XXYLT1: variants seen among roughly 807,000 people sequenced by gnomAD.
XXYLT1 encodes UDP-xylose:alpha-xyloside alpha-1,3-xylosyltransferase.
XXYLT1 carries 20 observed loss-of-function variants against 28.9 expected under a neutral mutation model. The observed-to-expected ratio is 0.69, with a 90% CI of 0.49 to 1.00. XXYLT1 has a LOEUF of 1.00. XXYLT1 is among the 50% of genes least tolerant of loss of function. The pLI, the probability that XXYLT1 is intolerant of heterozygous loss-of-function variation, is 0.00. For missense variants in XXYLT1, 542 were observed against 560.1 expected (o/e 0.97, Z 0.33); for synonymous variants, 257 against 253.8 (o/e 1.01, Z -0.12).
chr3:195,226,012 A>G (rs773292460), intron 2 of XXYLT1, among the ~76,000 whole-genome samples: 3 of 152,204 alleles, frequency 2.0e-5, no homozygotes, highest in Non-Finnish European at 2.9e-5. Flanking sequence ...ACAGCGTGAG[A>G]ACAGATTAAT....
intron 2 of XXYLT1, among the ~76,000 whole-genome samples, chr3:195,181,388 G>C (rs1443478813): frequency 1.3e-5 from 2 of 152,158 alleles, no homozygotes; most frequent in Non-Finnish European, 2.9e-5. Context: ...TTTACCCCCT[G>C]GCCCTGAGTG....
intron 3 of XXYLT1, among the ~76,000 whole-genome samples, chr3:195,082,861 C>T (rs560368489): frequency 6.6e-6 from 1 of 152,194 alleles, no homozygotes; most frequent in African/African-American, 2.4e-5. Flanking sequence ...CTCTCCCAAA[C>T]TTGCCCTCAG....
chr3:195,069,585 T>C lies in XXYLT1; in HGVS notation c.*130A>G, dbSNP rs1714675794. On this transcript the variant is annotated 3_prime_UTR_variant, in exon 4 of 4. Coordinates refer to ENST00000310380, the MANE Select transcript of XXYLT1 (RefSeq NM_152531.5). ...ACAGTGACCTGCCCGGCAGGAGGTC[T>C]CAGCACCTTAATCACAGGACTTCCC... 3.7e-6 allele frequency: 5 copies of C among 1,368,546 alleles called. No homozygotes were observed. The highest frequency in any genetic ancestry group is 4.9e-6 in the Non-Finnish European group (5 of 1,015,102). 84.8% of individuals were successfully genotyped at this position (1,368,546 alleles called of 1,614,324 possible). A position where few individuals can be genotyped will look rare whatever the true frequency, so the allele number is the denominator to read the frequency against.
intron 2 of XXYLT1, among the ~76,000 whole-genome samples, chr3:195,160,241 A>T (rs1314236210): frequency 6.6e-6 from 1 of 152,236 alleles, no homozygotes; most frequent in Non-Finnish European, 1.5e-5. Context: ...AGACATGCTC[A>T]GGTAAGCACA....
chr3:195,245,623 A>G (rs1001361528), intron 1 of XXYLT1, among the ~76,000 whole-genome samples: 2 of 152,158 alleles, frequency 1.3e-5, no homozygotes, highest in African/African-American at 4.8e-5. Context: ...AGAGAGGATG[A>G]TATGTGTGTC....
rs571450663 is a variant in XXYLT1, at chr3:195,171,169, G to A, written c.653-14588C>T. Among the ~76,000 whole-genome samples, 14 of 152,340 alleles carry A rather than the reference G, an allele frequency of 9.2e-5. 1 individual carries two copies. In the South Asian group the frequency reaches 2.9e-3, roughly 32 times the overall value. On this transcript the variant is annotated intron_variant, in intron 2 of 3. Transcript: ENST00000310380. ...AACAGCCAGCAAAGGCACAGGGTGA[G>A]CCTGGACCGCACGCTTCGGGAACTG...
rs61471404 is a variant in XXYLT1, at chr3:195,221,744, G to GT, written c.652+4964dup. On this transcript the variant is annotated intron_variant, in intron 2 of 3. Coordinates refer to ENST00000310380, the MANE Select transcript of XXYLT1 (RefSeq NM_152531.5). ...CTCCAGCTCCAGTGCGGCAAAAAAT[G>GT]TTTTTTTTTTTCCATTGCATAAGAT... 1.1e-3 allele frequency among the ~76,000 whole-genome samples: 165 copies of GT among 148,110 alleles called. 2 individuals are homozygous for GT. In the East Asian group the frequency reaches 0.016, roughly 14 times the overall value.
chr3:195,177,406 A>T (rs576845538), intron 2 of XXYLT1, among the ~76,000 whole-genome samples: 1 of 152,320 alleles, frequency 6.6e-6, no homozygotes, highest in East Asian at 1.9e-4. Context: ...TCAAGGACTT[A>T]CTAGAAGATA....
chr3:195,222,738 C>T (rs554110214), intron 2 of XXYLT1, among the ~76,000 whole-genome samples: 7 of 152,092 alleles, frequency 4.6e-5, no homozygotes, highest in East Asian at 1.9e-4. Context: ...AAAATGGGGA[C>T]GTGAGCCATT....
At chr3:195,134,860 TGTGTGTGTGCGTGTGC>T (rs1445855019) in intron 3 of XXYLT1, among the ~76,000 whole-genome samples, 2,008 of 113,630 alleles carry the variant, frequency 0.018, 26 homozygotes, top group African/African-American at 0.028. Flanking sequence ...TGTGTGTGTG[TGTGTGTGTGCGTGTGC>T]GCGCGTGCGC....
intron 3 of XXYLT1, among the ~76,000 whole-genome samples, chr3:195,084,527 T>C (rs1715616616): frequency 6.6e-6 from 1 of 152,222 alleles, no homozygotes; most frequent in African/African-American, 2.4e-5. Context: ...ACCAGCGAGA[T>C]GGCAGCCTCA....
rs376789890 is a variant in XXYLT1, at chr3:195,191,500, G to A, written c.653-34919C>T. On this transcript the variant is annotated intron_variant, in intron 2 of 3. Transcript: ENST00000310380. ...GTGTTAATTGACTGTTTATGTTATTGGTAAGGAACCAAGTCAAAAGTAGGT... is the reference window on the plus strand; with the variant it reads ...GTGTTAATTGACTGTTTATGTTATTAGTAAGGAACCAAGTCAAAAGTAGGT... 1.4e-3 allele frequency among the ~76,000 whole-genome samples: 211 copies of A among 152,226 alleles called. 1 individual carries two copies. The highest frequency in any genetic ancestry group is 5.0e-3 in the African/African-American group (206 of 41,534).
chr3:195,110,349 T>TATAAGTGTGTGTG (rs1310837017), intron 3 of XXYLT1, among the ~76,000 whole-genome samples: 2 of 36,640 alleles, frequency 5.5e-5, no homozygotes, highest in African/African-American at 9.1e-5. Flanking sequence ...GTGTGTGGTG[T>TATAAGTGTGTGTG]GTGGTGTATG....
chr3:195,226,845 G>A lies in XXYLT1; in HGVS notation c.516C>T (p.His172=), dbSNP rs200548958. The change falls in exon 2 of 4, where the codon CAC becomes CAT. Residue 172 remains histidine (H), a synonymous_variant. Transcript: ENST00000310380. ...GCTTATCCGTCAGCACAGCAACATC[G>A]TGGAAGATGACCTGCAGCAGGTGCA... is the stretch of plus-strand genomic sequence containing the variant. ...AAGFKCKVIF[H]DVAVLTDKLF... 47 of 1,613,402 alleles carry A rather than the reference G, an allele frequency of 2.9e-5. No individual in the cohort carries two copies. Among genetic ancestry groups the A allele is most frequent in the Non-Finnish European group, 3.6e-5 (42 of 1,179,848 alleles).
At chr3:195,159,803 C>A (rs1425854466) in intron 2 of XXYLT1, among the ~76,000 whole-genome samples, 2 of 152,120 alleles carry the variant, frequency 1.3e-5, no homozygotes, top group Admixed American at 1.3e-4. Context: ...ACATGCACGG[C>A]CCCAGTACCA....
rs1261767635 is a variant in XXYLT1, at chr3:195,115,017, C to T, written c.785+41432G>A. 1.3e-5 allele frequency among the ~76,000 whole-genome samples: 2 copies of T among 152,236 alleles called. No homozygotes were observed. The highest frequency in any genetic ancestry group is 2.9e-5 in the Non-Finnish European group (2 of 68,046). On this transcript the variant is annotated intron_variant, in intron 3 of 3. Coordinates refer to ENST00000310380, the MANE Select transcript of XXYLT1 (RefSeq NM_152531.5). This position sits in a 1 kb window ranked among gnomAD's most constrained non-coding sequence, Gnocchi z 4.2. ...CCCCACCCGTTCCACTCGTCAAAATCGTACCTAGCTGAGGTTGCACAGTTG... is the reference window on the plus strand; with the variant it reads ...CCCCACCCGTTCCACTCGTCAAAATTGTACCTAGCTGAGGTTGCACAGTTG...
At chr3:195,261,059 T>G (rs929966311) in intron 1 of XXYLT1, among the ~76,000 whole-genome samples, 5 of 152,192 alleles carry the variant, frequency 3.3e-5, no homozygotes, top group Admixed American at 6.5e-5. Context: ...AGCCACCTGC[T>G]CTCAGCCTCA....
At position 195,235,949 on chromosome 3, in the gene XXYLT1, G is replaced by C. The variant is rs75025303; in HGVS notation, c.505-9093C>G. On this transcript the variant is annotated intron_variant, in intron 1 of 3. Transcript: ENST00000310380. ...AGACATAGACATAGACATAGACATA[G>C]ACATAGAGATATACACCTGGCTGGG... Among the ~76,000 whole-genome samples, 5 of 144,278 alleles carry C rather than the reference G, an allele frequency of 3.5e-5. No homozygotes were observed. The East Asian group carries it at 1.0e-3, about 29-fold the overall frequency. The allele number at this position is 144,278 out of a possible 152,430, so 94.7% of individuals were successfully genotyped here.
intron 3 of XXYLT1, chr3:195,146,808 A>G (rs1454739489): frequency 6.5e-6 from 1 of 152,994 alleles, no homozygotes; most frequent in African/African-American, 2.4e-5. Flanking sequence ...TCAGCACAGG[A>G]GTTTTAACCT....
Sources: gnomAD v4.1 joint callset for allele counts (sites outside exome capture counted in the v4.1 genomes callset) on GRCh38, gnomAD v4.1.1 for gene constraint, Gnocchi (gnomAD v3.1) non-coding constraint, MANE v1.5 for transcripts, NCBI Gene and HGNC (gene_info 2026-07-23, HGNC 2026-07-21) for gene names.